The following MLLT3 variants were observed in gnomAD, a reference collection of about 807,000 sequenced individuals.
The protein encoded by MLLT3 is protein AF-9.
In MLLT3, 4 loss-of-function variants were observed where a neutral mutation model predicts 53.2. The observed-to-expected ratio is 0.08, with a 90% CI of 0.04 to 0.17. The LOEUF (loss-of-function observed/expected upper bound fraction) is 0.17, where lower values mean the gene tolerates loss of function less well. MLLT3 is among the 10% of genes least tolerant of loss of function. The pLI is 1.00. For synonymous variants in MLLT3, 283 were observed against 230.6 expected, an observed-to-expected ratio of 1.23 and a Z score of -2.06; for missense variants, 569 against 684.0, an observed-to-expected ratio of 0.83 and a Z score of 1.87.
intron 2 of MLLT3, among the ~76,000 whole-genome samples, chr9:20,527,306 C>G (rs6475455): frequency 0.46 from 70,255 of 152,018 alleles, 16,677 homozygotes; most frequent in East Asian, 0.69. Context: ...CAAAATTCAA[C>G]TCAGAATGAG....
chr9:20,440,369 C>T (rs538348175), intron 4 of MLLT3, among the ~76,000 whole-genome samples: 3 of 152,280 alleles, frequency 2.0e-5, no homozygotes, highest in South Asian at 4.1e-4. Context: ...CTTCGAGTCT[C>T]AGACATTTGT....
rs140100955 is a variant in MLLT3 at position 20,342,305 on chromosome 9, T to C, written c.*4138A>G. 1.5e-4 allele frequency: 34 copies of C among 224,868 alleles called. No individual in the cohort carries two copies. The Admixed American group carries it at 1.6e-3, about 11-fold the overall frequency. 13.9% of individuals were successfully genotyped at this position (224,868 alleles called of 1,614,324 possible). Reference sequence around the variant, plus strand: ...TAGAGAAGGGAAATACATCTTACAGTGTGCCTTGAATTCACACAAAAGCAT... The same window carrying C: ...TAGAGAAGGGAAATACATCTTACAGCGTGCCTTGAATTCACACAAAAGCAT... On this transcript the variant is annotated 3_prime_UTR_variant, in exon 11 of 11. Transcript: ENST00000380338.
rs565862994 is a variant in MLLT3, at chr9:20,545,725, A to G, written c.193+74929T>C. Among the ~76,000 whole-genome samples the G allele has an allele frequency of 2.2e-3, 332 of 152,212 alleles. 3 individuals carry two copies. The highest frequency in any genetic ancestry group is 7.1e-3 in the African/African-American group (293 of 41,540). ...TCTATTTGTTAAACATTCATATTCA[A>G]TTATGAAAGGGGACCAGGTCCAGTG... On this transcript the variant is annotated intron_variant, in intron 2 of 10. Transcript: ENST00000380338.
At chr9:20,475,281 G>A (rs1004573926) in intron 2 of MLLT3, among the ~76,000 whole-genome samples, 1 of 152,108 alleles carries the variant, frequency 6.6e-6, no homozygotes, top group Non-Finnish European at 1.5e-5. Flanking sequence ...CAATGTGAAA[G>A]AGGGTAGCCA....
At chr9:20,514,939 A>ATTTTTTTTTTTTTTTTTTTTTTTTT (rs35816235) in intron 2 of MLLT3, among the ~76,000 whole-genome samples, 2 of 88,736 alleles carry the variant, frequency 2.3e-5, no homozygotes, top group Non-Finnish European at 2.1e-5. Context: ...TGAAGGAACA[A>ATTTTTTTTTTTTTTTTTTTTTTTTT]TTTTTTTTTT....
intron 2 of MLLT3, among the ~76,000 whole-genome samples, chr9:20,523,032 A>T (rs915171518): frequency 6.6e-6 from 1 of 152,132 alleles, no homozygotes; most frequent in African/African-American, 2.4e-5. Context: ...AAACCCAAAA[A>T]CAAACAACCC....
At chr9:20,362,510 GA>G (rs1347005116) in intron 7 of MLLT3, among the ~76,000 whole-genome samples, 1 of 152,120 alleles carries the variant, frequency 6.6e-6, no homozygotes, top group African/African-American at 2.4e-5. Flanking sequence ...GCATATTAAA[GA>G]GGTTATATTC....
At chr9:20,497,954 G>A (rs1312048007) in intron 2 of MLLT3, among the ~76,000 whole-genome samples, 3 of 152,014 alleles carry the variant, frequency 2.0e-5, no homozygotes, top group African/African-American at 7.2e-5. Flanking sequence ...GGGTGCAGTG[G>A]CTCATGCTTG....
intron 2 of MLLT3, among the ~76,000 whole-genome samples, chr9:20,508,260 C>T (rs1825434777): frequency 2.0e-5 from 3 of 152,196 alleles, no homozygotes; most frequent in Admixed American, 6.5e-5. Context: ...TCCCTTACCT[C>T]TCACCCCACA....
intron 3 of MLLT3, among the ~76,000 whole-genome samples, chr9:20,451,359 CAT>C (rs1191078839): frequency 6.6e-6 from 1 of 152,082 alleles, no homozygotes; most frequent in African/African-American, 2.4e-5. Flanking sequence ...AAGAGAAAAA[CAT>C]ATTGAAGAAT....
At chr9:20,377,013 A>G (rs1052190670) in intron 5 of MLLT3, among the ~76,000 whole-genome samples, 2 of 152,208 alleles carry the variant, frequency 1.3e-5, no homozygotes, top group African/African-American at 2.4e-5. Flanking sequence ...TGCCAAAGAC[A>G]TATGTTTTAG....
chr9:20,395,427 T>C (rs1487692987), intron 5 of MLLT3, among the ~76,000 whole-genome samples: 1 of 152,172 alleles, frequency 6.6e-6, no homozygotes. Context: ...TATTCCTACA[T>C]ATTCATAATA....
chr9:20,566,475 A>G (rs1819380904), intron 2 of MLLT3, among the ~76,000 whole-genome samples: 1 of 152,116 alleles, frequency 6.6e-6, no homozygotes, highest in African/African-American at 2.4e-5. Context: ...CTCTCCCTCC[A>G]ATCCCTGCTA....
chr9:20,389,641 G>A (rs769180415), intron 5 of MLLT3, among the ~76,000 whole-genome samples: 4 of 151,920 alleles, frequency 2.6e-5, no homozygotes, highest in Non-Finnish European at 4.4e-5. Context: ...AAAGCCACAT[G>A]TGGTGGCATG....
intron 2 of MLLT3, among the ~76,000 whole-genome samples, chr9:20,602,884 C>A (rs1050231370): frequency 6.6e-6 from 1 of 151,956 alleles, no homozygotes; most frequent in Non-Finnish European, 1.5e-5. Flanking sequence ...TGGCATCATG[C>A]CAAATCAATT....
intron 5 of MLLT3, 115 bp from the exon 6 acceptor site, chr9:20,365,859 T>C: frequency 1.1e-6 from 1 of 923,194 alleles, no homozygotes; most frequent in Non-Finnish European, 1.7e-6. Context: ...ATGCATTTCA[T>C]TATGTCAAAT....
At chr9:20,531,609 G>A (rs1171512578) in intron 2 of MLLT3, among the ~76,000 whole-genome samples, 1 of 152,018 alleles carries the variant, frequency 6.6e-6, no homozygotes, top group African/African-American at 2.4e-5. Context: ...CCTTTCAACT[G>A]TTTCTATTTC....
At position 20,413,559 on chromosome 9, in the gene MLLT3, C is replaced by T. The variant is rs1037631039; in HGVS notation, c.1125+162G>A. On this transcript the variant is annotated intron_variant, in intron 5 of 10. Coordinates refer to ENST00000380338, the MANE Select transcript of MLLT3 (RefSeq NM_004529.4). ...AGATTCCTTAATGACTTCATTTCTT[C>T]CTTCTCATTAGTTAAGGAAATGCAT... Among the ~76,000 whole-genome samples the T allele has an allele frequency of 2.6e-5, 4 of 152,150 alleles. No homozygotes were observed. The East Asian group carries it at 7.7e-4, about 29-fold the overall frequency.
At chr9:20,565,928 A>ATATATATATT (rs1819346175) in intron 2 of MLLT3, among the ~76,000 whole-genome samples, 1 of 16,556 alleles carries the variant, frequency 6.0e-5, no homozygotes, top group Non-Finnish European at 1.1e-4. Flanking sequence ...ATATTTATAT[A>ATATATATATT]TATATATATT....
Sources: allele counts gnomAD v4.1 joint callset (sites outside exome capture counted in the v4.1 genomes callset), GRCh38; gene constraint gnomAD v4.1.1; transcripts MANE v1.5; gene names NCBI Gene and HGNC (gene_info 2026-07-23, HGNC 2026-07-21).